SYT9: variants seen among roughly 807,000 people sequenced by gnomAD.
The protein encoded by SYT9 is synaptotagmin 9.
A neutral mutation model predicts 48.4 loss-of-function variants in SYT9; 22 were observed. That is an observed-to-expected ratio of 0.45 (90% confidence interval 0.32 to 0.65). The LOEUF (loss-of-function observed/expected upper bound fraction) is 0.65. Among genes scored for constraint, SYT9 ranks in the 30% least tolerant of loss-of-function variants. The probability of loss-of-function intolerance (pLI) is 0.03; values close to 1 mark genes in which losing one functional copy is unlikely to be tolerated. For missense variants in SYT9, 577 were observed against 622.0 expected, an observed-to-expected ratio of 0.93 and a Z score of 0.77; for synonymous variants, 265 against 245.0, an observed-to-expected ratio of 1.08 and a Z score of -0.76.
chr11:7,390,020 AC>A (rs1311177698), intron 3 of SYT9, among the ~76,000 whole-genome samples: 2 of 152,220 alleles, frequency 1.3e-5, no homozygotes, highest in Non-Finnish European at 1.5e-5. Flanking sequence ...GTTCTAGGAT[AC>A]ATGTGCACAA....
chr11:7,359,106 T>A (rs1326609170), intron 3 of SYT9, among the ~76,000 whole-genome samples: 1 of 146,122 alleles, frequency 6.8e-6, no homozygotes, highest in East Asian at 2.0e-4. Flanking sequence ...CAGTGTTTGG[T>A]TTTTTGTTCT....
chr11:7,254,382 C>G (rs531626900), intron 1 of SYT9, among the ~76,000 whole-genome samples: 2 of 152,136 alleles, frequency 1.3e-5, no homozygotes, highest in Non-Finnish European at 2.9e-5. Context: ...AAAGTGCACC[C>G]TCTCCTTCAG....
At chr11:7,260,926 C>G (rs1564839426) in intron 1 of SYT9, among the ~76,000 whole-genome samples, 1 of 152,086 alleles carries the variant, frequency 6.6e-6, no homozygotes, top group Non-Finnish European at 1.5e-5. Context: ...AATGAAAAAG[C>G]AGTGTGTTCA....
chr11:7,260,734 A>G (rs1329370950), intron 1 of SYT9, among the ~76,000 whole-genome samples: 2 of 152,206 alleles, frequency 1.3e-5, no homozygotes, highest in African/African-American at 4.8e-5. Flanking sequence ...GGAATCAATG[A>G]ATGGAAGTTT....
At chr11:7,305,649 A>G (rs955087609) in intron 2 of SYT9, among the ~76,000 whole-genome samples, 10 of 152,224 alleles carry the variant, frequency 6.6e-5, no homozygotes, top group South Asian at 2.1e-4. Flanking sequence ...AGAAAGCTCT[A>G]AACAGTCTGC....
intron 3 of SYT9, among the ~76,000 whole-genome samples, chr11:7,318,713 G>A (rs1008448558): frequency 2.6e-5 from 4 of 152,140 alleles, no homozygotes; most frequent in African/African-American, 7.2e-5. Flanking sequence ...TTTATCGTAT[G>A]CTATAATCCA....
chr11:7,321,452 G>A (rs1361142455), intron 3 of SYT9, among the ~76,000 whole-genome samples: 1 of 152,176 alleles, frequency 6.6e-6, no homozygotes, highest in African/African-American at 2.4e-5. Context: ...CAGGCTCTGT[G>A]ATTGAAGATA....
chr11:7,328,167 A>G (rs1010084113), intron 3 of SYT9, among the ~76,000 whole-genome samples: 44 of 151,890 alleles, frequency 2.9e-4, no homozygotes, highest in African/African-American at 9.9e-4. Context: ...CAAATTTCCT[A>G]CATCCTTATA....
intron 1 of SYT9, chr11:7,239,012 G>C: frequency 1.1e-5 from 5 of 449,460 alleles, no homozygotes; most frequent in South Asian, 7.9e-5. Flanking sequence ...GTCAGCATTG[G>C]AGCTGTCTGC....
intron 3 of SYT9, among the ~76,000 whole-genome samples, chr11:7,373,598 G>T (rs11601208): frequency 0.25 from 38,202 of 152,010 alleles, 6,159 homozygotes; most frequent in East Asian, 0.63. Flanking sequence ...GAACTAAGCT[G>T]CAGGGTGTAC....
chr11:7,271,791 G>T (rs576483046), intron 1 of SYT9, among the ~76,000 whole-genome samples: 190 of 152,076 alleles, frequency 1.2e-3, no homozygotes, highest in Middle Eastern at 3.4e-3. Context: ...TTAGCCAGGA[G>T]GGTCTCAATC....
At chr11:7,281,079 A>G (rs1048277932) in intron 1 of SYT9, among the ~76,000 whole-genome samples, 12 of 152,384 alleles carry the variant, frequency 7.9e-5, no homozygotes, top group African/African-American at 2.9e-4. Context: ...CTGAATGGGC[A>G]GATTTTCTGA....
At chr11:7,262,971 G>C (rs1848107122) in intron 1 of SYT9, among the ~76,000 whole-genome samples, 2 of 152,042 alleles carry the variant, frequency 1.3e-5, no homozygotes, top group South Asian at 4.1e-4. Context: ...CAAGGTGAAG[G>C]GAATGACTAG....
chr11:7,374,128 G>A (rs932471219), intron 3 of SYT9, among the ~76,000 whole-genome samples: 1 of 151,978 alleles, frequency 6.6e-6, no homozygotes, highest in African/African-American at 2.4e-5. Flanking sequence ...GTGCCCATAT[G>A]TTCTCATTGT....
At chr11:7,425,472 C>A (rs1175038263) in intron 6 of SYT9, among the ~76,000 whole-genome samples, 1 of 152,130 alleles carries the variant, frequency 6.6e-6, no homozygotes, top group Non-Finnish European at 1.5e-5. Context: ...AGGTTCCCAT[C>A]AAGGGGATTT....
chr11:7,314,224 T>A, intron 3 of SYT9: 1 of 545,420 alleles, frequency 1.8e-6, no homozygotes, highest in Middle Eastern at 2.8e-4. Context: ...GTGTTATCTG[T>A]CCTCCGTACC....
intron 1 of SYT9, among the ~76,000 whole-genome samples, chr11:7,242,968 C>G (rs1847754923): frequency 6.6e-6 from 1 of 152,076 alleles, no homozygotes; most frequent in African/African-American, 2.4e-5. Flanking sequence ...ATTGCTTGAA[C>G]CCGGGAGGCG....
intron 3 of SYT9, among the ~76,000 whole-genome samples, chr11:7,413,275 C>T (rs923893960): frequency 2.6e-5 from 4 of 152,186 alleles, no homozygotes; most frequent in Non-Finnish European, 4.4e-5. Context: ...GGCCTCATCT[C>T]CTCCCTGGCC....
chr11:7,244,120 G>A (rs555935214), intron 1 of SYT9, among the ~76,000 whole-genome samples: 1 of 152,200 alleles, frequency 6.6e-6, no homozygotes, highest in East Asian at 1.9e-4. Flanking sequence ...CAGGCCCTCC[G>A]ACCTGGAACA....
Sources: allele counts gnomAD v4.1 joint callset (sites outside exome capture counted in the v4.1 genomes callset), GRCh38; gene constraint gnomAD v4.1.1; transcripts MANE v1.5; gene names NCBI Gene and HGNC (gene_info 2026-07-23, HGNC 2026-07-21).